NRG3: variants seen among roughly 807,000 people sequenced by gnomAD.
NRG3 encodes the protein neuregulin 3, also known as pro-neuregulin-3, membrane-bound isoform.
A neutral mutation model predicts 66.9 loss-of-function variants in NRG3; 31 were observed. The observed-to-expected ratio is 0.46, with a 90% confidence interval of 0.35 to 0.63. The LOEUF (loss-of-function observed/expected upper bound fraction) is 0.63. Ranked by LOEUF, NRG3 falls within the 20% of genes least tolerant of loss-of-function variation. The probability of loss-of-function intolerance (pLI) is 0.00; values close to 1 mark genes in which losing one functional copy is unlikely to be tolerated. For synonymous variants in NRG3, 393 were observed against 359.4 expected (o/e 1.09, Z -1.06); for missense variants, 910 against 878.9 (o/e 1.04, Z -0.45).
At chr10:82,435,527 A>T (rs952329308) in intron 2 of NRG3, among the ~76,000 whole-genome samples, 10 of 151,724 alleles carry the variant, frequency 6.6e-5, no homozygotes, top group African/African-American at 2.4e-4. Context: ...TAGATTTTTG[A>T]ATTCTGATGT....
intron 3 of NRG3, among the ~76,000 whole-genome samples, chr10:82,739,452 T>C (rs865884723): frequency 6.6e-6 from 1 of 152,222 alleles, no homozygotes; most frequent in Non-Finnish European, 1.5e-5. Context: ...GGCCAAGTTA[T>C]GGTTTTCTGA....
At chr10:82,755,256 C>A (rs886561272) in intron 3 of NRG3, among the ~76,000 whole-genome samples, 2 of 152,112 alleles carry the variant, frequency 1.3e-5, no homozygotes, top group African/African-American at 4.8e-5. Flanking sequence ...TTGTTCCAAA[C>A]ACACAAATTT....
intron 1 of NRG3, among the ~76,000 whole-genome samples, chr10:82,085,005 T>A (rs1311148780): frequency 6.6e-6 from 1 of 152,128 alleles, no homozygotes; most frequent in East Asian, 1.9e-4. Context: ...AGAAAATGAT[T>A]GCCTCAGGAA....
rs112153475 is a variant in NRG3, at chr10:81,976,563, G to T, written c.823+100400G>T. Among the ~76,000 whole-genome samples the T allele has an allele frequency of 1.9e-3, 290 of 152,232 alleles. 4 individuals are homozygous for T. Among genetic ancestry groups the T allele is most frequent in the African/African-American group, 5.8e-3 (243 of 41,540 alleles). On this transcript the variant is annotated intron_variant, in intron 1 of 8. Coordinates refer to ENST00000372141, the MANE Select transcript of NRG3 (RefSeq NM_001010848.4). Reference sequence around the variant, plus strand: ...ATTGCTGAGATATTTTTCATCAATGGAAAGAAACACATTTTTGTTGGGTTT... The same window carrying T: ...ATTGCTGAGATATTTTTCATCAATGTAAAGAAACACATTTTTGTTGGGTTT...
chr10:81,942,326 A>C (rs1340226349), intron 1 of NRG3, among the ~76,000 whole-genome samples: 1 of 152,084 alleles, frequency 6.6e-6, no homozygotes, highest in African/African-American at 2.4e-5. Flanking sequence ...CACATTGTAT[A>C]TGACAGATGC....
chr10:82,247,367 G>A (rs1478756777), intron 1 of NRG3, among the ~76,000 whole-genome samples: 2 of 152,028 alleles, frequency 1.3e-5, no homozygotes, highest in African/African-American at 2.4e-5. Context: ...GGCTGCAGAC[G>A]GCCACCTTCT....
intron 3 of NRG3, among the ~76,000 whole-genome samples, chr10:82,830,999 G>T (rs1019333623): frequency 2.3e-4 from 35 of 152,178 alleles, no homozygotes; most frequent in Non-Finnish European, 4.0e-4. Flanking sequence ...AATAGAAATT[G>T]AATGCCTTTA....
chr10:82,291,630 T>C (rs1248993304), intron 1 of NRG3, among the ~76,000 whole-genome samples: 1 of 152,190 alleles, frequency 6.6e-6, no homozygotes, highest in African/African-American at 2.4e-5. Flanking sequence ...TTGGACAGAA[T>C]AGAAATTCTT....
chr10:82,636,422 A>G lies in NRG3; in HGVS notation c.954-102155A>G, dbSNP rs572247139. Among the ~76,000 whole-genome samples the G allele has an allele frequency of 3.1e-4, 47 of 152,260 alleles. No homozygotes were observed. The South Asian group carries it at 9.3e-3, about 30-fold the overall frequency. ...CATTAGTTTGCAAGAAAAGTACAAG[A>G]CAAGCCAAGCCTGGAATGTCTTTTT... On this transcript the variant is annotated intron_variant, in intron 2 of 8. Coordinates refer to ENST00000372141, the MANE Select transcript of NRG3 (RefSeq NM_001010848.4).
intron 1 of NRG3, among the ~76,000 whole-genome samples, chr10:82,205,982 ATCT>A (rs1375104439): frequency 1.3e-5 from 2 of 152,076 alleles, no homozygotes; most frequent in Non-Finnish European, 2.9e-5. Flanking sequence ...TCTATTCCAA[ATCT>A]TCTCCAAACA....
At chr10:82,663,984 C>G (rs148273227) in intron 2 of NRG3, among the ~76,000 whole-genome samples, 1 of 152,170 alleles carries the variant, frequency 6.6e-6, no homozygotes, top group Admixed American at 6.5e-5. Flanking sequence ...ACGAACTGGG[C>G]AGCCTTATTA....
chr10:81,964,602 AG>A (rs1390896930), intron 1 of NRG3, among the ~76,000 whole-genome samples: 1 of 152,104 alleles, frequency 6.6e-6, no homozygotes, highest in Non-Finnish European at 1.5e-5. Flanking sequence ...CACCTGGGTG[AG>A]TATGTGACCC....
intron 2 of NRG3, among the ~76,000 whole-genome samples, chr10:82,441,658 G>A (rs946487375): frequency 6.6e-6 from 1 of 152,144 alleles, no homozygotes; most frequent in African/African-American, 2.4e-5. Context: ...AAATCTTTAA[G>A]AAGAGGGACA....
chr10:82,890,405 G>T (rs947362019), intron 4 of NRG3, among the ~76,000 whole-genome samples: 14 of 152,006 alleles, frequency 9.2e-5, no homozygotes, highest in African/African-American at 3.1e-4. Context: ...TCTTATTATG[G>T]TCTTTATTTT....
intron 1 of NRG3, among the ~76,000 whole-genome samples, chr10:81,946,563 A>G (rs761269458): frequency 6.6e-6 from 1 of 152,134 alleles, no homozygotes; most frequent in Non-Finnish European, 1.5e-5. Context: ...CCACATGATG[A>G]AAGGTAAGTT....
At chr10:82,214,249 A>T (rs1409574694) in intron 1 of NRG3, among the ~76,000 whole-genome samples, 1 of 152,040 alleles carries the variant, frequency 6.6e-6, no homozygotes, top group African/African-American at 2.4e-5. Flanking sequence ...TGGAGAAGGG[A>T]CCAAGCCTCC....
At chr10:82,777,440 G>T (rs915335675) in intron 3 of NRG3, among the ~76,000 whole-genome samples, 4 of 151,982 alleles carry the variant, frequency 2.6e-5, no homozygotes, top group African/African-American at 9.7e-5. Flanking sequence ...TGAGGGCCTG[G>T]GCTCAATGTC....
intron 2 of NRG3, among the ~76,000 whole-genome samples, chr10:82,621,873 G>A (rs996789115): frequency 2.0e-5 from 3 of 152,166 alleles, no homozygotes; most frequent in Non-Finnish European, 4.4e-5. Context: ...TGTCTGTCTT[G>A]TTTCCTCAGA....
chr10:82,225,320 A>G (rs935286169), intron 1 of NRG3: 6 of 152,226 alleles, frequency 3.9e-5, no homozygotes, highest in African/African-American at 1.4e-4. Context: ...TGTTATTACC[A>G]CTAGAAGCTA....
Sources: gnomAD v4.1 joint callset for allele counts (sites outside exome capture counted in the v4.1 genomes callset) on GRCh38, gnomAD v4.1.1 for gene constraint, MANE v1.5 for transcripts, NCBI Gene and HGNC (gene_info 2026-07-23, HGNC 2026-07-21) for gene names.